The following CTNNA2 variants were observed in gnomAD, a reference collection of about 807,000 sequenced individuals.
CTNNA2 encodes catenin alpha-2.
Under a neutral mutation model 101.0 loss-of-function variants are expected in CTNNA2, and 42 were observed. The observed-to-expected ratio is 0.42, with a 90% CI of 0.32 to 0.54. The LOEUF is 0.54. Among genes scored for constraint, CTNNA2 ranks in the 20% least tolerant of loss-of-function variants. CTNNA2 has a pLI of 0.14. For synonymous variants in CTNNA2, 450 were observed against 456.4 expected (o/e 0.99, Z 0.18); for missense variants, 871 against 1,223.1 (o/e 0.71, Z 4.29).
At chr2:79,526,899 G>C (rs952374424) in intron 1 of CTNNA2, among the ~76,000 whole-genome samples, 2 of 152,090 alleles carry the variant, frequency 1.3e-5, no homozygotes, top group African/African-American at 2.4e-5. Flanking sequence ...GAAAACATAG[G>C]TGTAAATCTT....
chr2:79,464,446 G>A (rs529658438), intron 4 of CTNNA2, among the ~76,000 whole-genome samples: 68 of 152,228 alleles, frequency 4.5e-4, no homozygotes, highest in Admixed American at 9.2e-4. Flanking sequence ...CTAAACATAC[G>A]TGGGCATGTA....
intron 4 of CTNNA2, among the ~76,000 whole-genome samples, chr2:79,489,698 T>A (rs1186602808): frequency 6.6e-6 from 1 of 152,184 alleles, no homozygotes; most frequent in Non-Finnish European, 1.5e-5. Flanking sequence ...TGAAAAGAAA[T>A]CCCAGAGAAT....
intron 2 of CTNNA2, among the ~76,000 whole-genome samples, chr2:79,720,197 G>A (rs1686388654): frequency 6.6e-6 from 1 of 152,036 alleles, no homozygotes; most frequent in South Asian, 2.1e-4. Context: ...AAGATCAGAT[G>A]ATTGTAAGTG....
At chr2:80,018,132 G>T (rs1202679190) in intron 7 of CTNNA2, among the ~76,000 whole-genome samples, 2 of 152,028 alleles carry the variant, frequency 1.3e-5, no homozygotes, top group Non-Finnish European at 2.9e-5. Context: ...TACAGAATTC[G>T]GCTTCATAAA....
intron 7 of CTNNA2, among the ~76,000 whole-genome samples, chr2:80,183,967 G>C (rs1273146181): frequency 2.0e-5 from 3 of 151,974 alleles, no homozygotes; most frequent in Non-Finnish European, 4.4e-5. Flanking sequence ...TCATCAACTT[G>C]TGAGCTTGTG....
At chr2:80,435,357 A>C (rs528268779) in intron 9 of CTNNA2, among the ~76,000 whole-genome samples, 1 of 152,320 alleles carries the variant, frequency 6.6e-6, no homozygotes, top group African/African-American at 2.4e-5. Context: ...ATTACTCAAA[A>C]TTCTCAACAG....
chr2:79,223,382 C>T (rs1016370465), intron 2 of CTNNA2, among the ~76,000 whole-genome samples: 1 of 152,124 alleles, frequency 6.6e-6, no homozygotes, highest in African/African-American at 2.4e-5. Context: ...GTTATGACAT[C>T]CTGGGGGGAC....
chr2:79,451,320 G>A (rs953288322), intron 4 of CTNNA2, among the ~76,000 whole-genome samples: 2 of 152,018 alleles, frequency 1.3e-5, no homozygotes, highest in Non-Finnish European at 2.9e-5. Context: ...TCAAGTGATT[G>A]AGAAATTACA....
At chr2:79,550,747 A>G (rs764025207) in intron 1 of CTNNA2, among the ~76,000 whole-genome samples, 2 of 152,150 alleles carry the variant, frequency 1.3e-5, no homozygotes, top group Non-Finnish European at 2.9e-5. Context: ...GCTATGTTCC[A>G]GTAGGACTGC....
intron 7 of CTNNA2, among the ~76,000 whole-genome samples, chr2:80,079,059 T>C (rs1037745878): frequency 1.7e-4 from 26 of 152,330 alleles, no homozygotes; most frequent in Admixed American, 1.2e-3. Flanking sequence ...TGAACTGATA[T>C]ATACTTAGTC....
intron 7 of CTNNA2, among the ~76,000 whole-genome samples, chr2:80,121,116 G>A (rs943035487): frequency 6.6e-6 from 1 of 152,302 alleles, no homozygotes; most frequent in East Asian, 1.9e-4. Flanking sequence ...TGCTTTTAAA[G>A]CTACTATTAG....
chr2:80,064,445 C>A (rs1341016996), intron 7 of CTNNA2, among the ~76,000 whole-genome samples: 4 of 152,188 alleles, frequency 2.6e-5, no homozygotes, highest in African/African-American at 7.2e-5. Flanking sequence ...TATGCTCAAA[C>A]AACAGGCATA....
At chr2:79,378,735 G>A (rs1341275074) in intron 4 of CTNNA2, among the ~76,000 whole-genome samples, 1 of 152,236 alleles carries the variant, frequency 6.6e-6, no homozygotes, top group African/African-American at 2.4e-5. Flanking sequence ...GAAGCAGAAT[G>A]CCCAAATAAC....
intron 12 of CTNNA2, among the ~76,000 whole-genome samples, chr2:80,561,053 T>C (rs1693543207): frequency 6.6e-6 from 1 of 152,192 alleles, no homozygotes. Flanking sequence ...TGGCCTATGC[T>C]TCCTTCAGTT....
intron 7 of CTNNA2, among the ~76,000 whole-genome samples, chr2:80,123,002 A>ACTT (rs1401136170): frequency 1.3e-5 from 2 of 152,154 alleles, no homozygotes; most frequent in African/African-American, 4.8e-5. Context: ...GAACCGTCTC[A>ACTT]CTTCTGCTGT....
chr2:79,835,710 G>T (rs1415781068), intron 3 of CTNNA2, among the ~76,000 whole-genome samples: 1 of 101,480 alleles, frequency 9.9e-6, no homozygotes, highest in African/African-American at 4.9e-5. Flanking sequence ...TTTTGAGACA[G>T]AGTGTTGCTG....
intron 7 of CTNNA2, among the ~76,000 whole-genome samples, chr2:80,249,600 G>A (rs142830823): frequency 7.0e-4 from 107 of 152,264 alleles, no homozygotes; most frequent in African/African-American, 2.6e-3. Flanking sequence ...AGACATTGAG[G>A]CACAGTGGGT....
At chr2:80,531,619 T>G (rs1371618259) in intron 9 of CTNNA2, among the ~76,000 whole-genome samples, 3 of 152,340 alleles carry the variant, frequency 2.0e-5, no homozygotes, top group East Asian at 1.9e-4. Context: ...CTAGAGGTCC[T>G]TCTGGGTCTT....
chr2:80,601,163 G>C (rs1697468821), intron 15 of CTNNA2, among the ~76,000 whole-genome samples: 1 of 152,070 alleles, frequency 6.6e-6, no homozygotes, highest in South Asian at 2.1e-4. Context: ...GCCTACTCCA[G>C]CACTCATGTC....
Sources: allele counts gnomAD v4.1 joint callset (sites outside exome capture counted in the v4.1 genomes callset), GRCh38; gene constraint gnomAD v4.1.1; transcripts MANE v1.5; gene names NCBI Gene and HGNC (gene_info 2026-07-23, HGNC 2026-07-21).